ZFAND5: variants seen among roughly 807,000 people sequenced by gnomAD.
The protein encoded by ZFAND5 is zinc finger AN1-type containing 5, also known as AN1-type zinc finger protein 5.
In ZFAND5, 4 loss-of-function variants were observed where a neutral mutation model predicts 23.6. That is an observed-to-expected ratio of 0.17 (90% CI 0.08 to 0.39). ZFAND5 has a LOEUF of 0.39. ZFAND5 is among the 10% of genes least tolerant of loss of function. The pLI is 1.00. For synonymous variants in ZFAND5, 68 were observed against 80.6 expected, an observed-to-expected ratio of 0.84 and a Z score of 0.84; for missense variants, 161 against 253.7, an observed-to-expected ratio of 0.63 and a Z score of 2.48.
chr9:72,362,899 T>C (rs1842145717), intron 2 of ZFAND5, among the ~76,000 whole-genome samples: 1 of 152,180 alleles, frequency 6.6e-6, no homozygotes, highest in Admixed American at 6.5e-5. Flanking sequence ...CAGGGGCCTC[T>C]GAAATCAGCT....
intron 2 of ZFAND5, among the ~76,000 whole-genome samples, chr9:72,361,114 C>T (rs565255970): frequency 6.6e-6 from 1 of 152,292 alleles, no homozygotes; most frequent in South Asian, 2.1e-4. Context: ...GTATCTTTAA[C>T]TTTTCACTCT....
At chr9:72,360,285 C>G in intron 3 of ZFAND5, 64 bp from the exon 4 acceptor site, 8 of 1,342,324 alleles carry the variant, frequency 6.0e-6, no homozygotes, top group Non-Finnish European at 7.4e-6. Context: ...AGTATCAAGA[C>G]GTAGTAATAA....
intron 6 of ZFAND5, among the ~76,000 whole-genome samples, chr9:72,356,644 GCTTA>G (rs954156284): frequency 2.4e-4 from 37 of 152,090 alleles, no homozygotes; most frequent in Non-Finnish European, 2.2e-4. Flanking sequence ...AGTAGGTGGC[GCTTA>G]CTGTTAGTTC....
chr9:72,364,291 C>T, intron 1 of ZFAND5: 2 of 553,240 alleles, frequency 3.6e-6, no homozygotes, highest in South Asian at 4.7e-5. Context: ...CGACCCCGAA[C>T]GGCTCCTCTT....
chr9:72,364,583 T>TCCG (rs1214839058), intron 1 of ZFAND5, 113 bp downstream of exon 1: 2 of 1,248,612 alleles, frequency 1.6e-6, no homozygotes, highest in South Asian at 2.6e-5. Flanking sequence ...GACGCCGCCA[T>TCCG]CCGCGGCCTG....
intron 6 of ZFAND5, 103 bp downstream of exon 6, chr9:72,356,828 T>G (rs1228759732): frequency 1.5e-5 from 20 of 1,295,560 alleles, no homozygotes; most frequent in Non-Finnish European, 1.9e-5. Flanking sequence ...TCAGGCTTTT[T>G]TTTTTTTTTT....
rs909100381 is a variant in ZFAND5 at position 72,359,363 on chromosome 9, C to T, written c.367+55G>A. The T allele has an allele frequency of 2.6e-6, 4 of 1,554,834 alleles. No homozygotes were observed. The African/African-American group carries it at 4.1e-5, about 16-fold the overall frequency. On this transcript the variant is annotated intron_variant, in intron 5 of 6. Coordinates refer to ENST00000376962, the MANE Select transcript of ZFAND5 (RefSeq NM_001102420.3). Reference sequence around the variant, plus strand: ...GGGAAGGAAAGAATCCCCCCACCAGCCATTTCTTGCACTATCAAATTCAGA... The same window carrying T: ...GGGAAGGAAAGAATCCCCCCACCAGTCATTTCTTGCACTATCAAATTCAGA...
chr9:72,356,858 C>G lies in ZFAND5; in HGVS notation c.493+73G>C, dbSNP rs1378803718. 2.1e-5 allele frequency: 32 copies of G among 1,504,288 alleles called. No homozygotes were observed. In the South Asian group the frequency reaches 3.0e-4, roughly 14 times the overall value. 93.2% of individuals were successfully genotyped at this position (1,504,288 alleles called of 1,614,324 possible). ...TTTTTTATGTGTAAGACCAACTAGT[C>G]TCTTAGGGAGTGACCAAAAGCTCCT... is the stretch of plus-strand genomic sequence containing the variant. On this transcript the variant is annotated intron_variant, in intron 6 of 6. Coordinates refer to ENST00000376962, the MANE Select transcript of ZFAND5 (RefSeq NM_001102420.3).
chr9:72,358,510 T>C (rs781592577), intron 5 of ZFAND5, among the ~76,000 whole-genome samples: 9 of 152,098 alleles, frequency 5.9e-5, no homozygotes, highest in Non-Finnish European at 1.0e-4. Flanking sequence ...TAATTTTGTA[T>C]TTAAAAACCA....
At chr9:72,361,794 A>G (rs983669350) in intron 2 of ZFAND5, among the ~76,000 whole-genome samples, 1 of 152,224 alleles carries the variant, frequency 6.6e-6, no homozygotes, top group African/African-American at 2.4e-5. Context: ...TTATTTTAAA[A>G]TAAAGTTGTG....
chr9:72,354,384 T>C lies in ZFAND5; in HGVS notation c.*1569A>G, dbSNP rs1000686946. ...CAAAGGAAAAAAAATTATATAGCCA[T>C]GTAAAGTAACATTTTCTAATTTTCC... is the stretch of plus-strand genomic sequence containing the variant. On this transcript the variant is annotated 3_prime_UTR_variant, in exon 7 of 7. Transcript: ENST00000376962. The C allele has an allele frequency of 2.6e-5, 4 of 152,612 alleles. No homozygotes were observed. The highest frequency in any genetic ancestry group is 4.8e-5 in the African/African-American group (2 of 41,462). The allele number at this position is 152,612 out of a possible 1,614,324, so 9.5% of individuals were successfully genotyped here.
At chr9:72,361,841 A>G (rs943890213) in intron 2 of ZFAND5, among the ~76,000 whole-genome samples, 7 of 152,232 alleles carry the variant, frequency 4.6e-5, no homozygotes, top group African/African-American at 1.7e-4. Context: ...GTATAAGCAT[A>G]TGTACAAAAA....
chr9:72,358,574 G>C (rs531476774), intron 5 of ZFAND5, among the ~76,000 whole-genome samples: 6 of 152,096 alleles, frequency 3.9e-5, no homozygotes, highest in Non-Finnish European at 7.4e-5. Flanking sequence ...AATGTGGTCA[G>C]TTTAAGGATG....
intron 1 of ZFAND5, chr9:72,364,431 A>AG (rs1842201684): frequency 3.2e-6 from 4 of 1,263,646 alleles, no homozygotes; most frequent in Admixed American, 2.5e-5. Context: ...CCGGCCCCGC[A>AG]GAGGCGGCAC....
chr9:72,356,809 T>C, intron 6 of ZFAND5, 122 bp downstream of exon 6: 1 of 1,250,676 alleles, frequency 8.0e-7, no homozygotes, highest in Non-Finnish European at 1.1e-6. Flanking sequence ...TTTCCTAGAC[T>C]ACAGCTAGTC....
At position 72,354,898 on chromosome 9, in the gene ZFAND5, T is replaced by C. The variant is rs1026481312; in HGVS notation, c.*1055A>G. Reference sequence around the variant, plus strand: ...GCCCATGCAATACACCCAAGAACACTAGAGTCCTACACCCAAGTACAATAT... The same window carrying C: ...GCCCATGCAATACACCCAAGAACACCAGAGTCCTACACCCAAGTACAATAT... On this transcript the variant is annotated 3_prime_UTR_variant, in exon 7 of 7. Coordinates refer to ENST00000376962, the MANE Select transcript of ZFAND5 (RefSeq NM_001102420.3). 1 of 152,556 alleles carries C rather than the reference T, an allele frequency of 6.6e-6. No individual in the cohort carries two copies. Among genetic ancestry groups the C allele is most frequent in the Admixed American group, 6.5e-5 (1 of 15,276 alleles). 9.5% of individuals were successfully genotyped at this position (152,556 alleles called of 1,614,324 possible).
chr9:72,359,516 A>G lies in ZFAND5; in HGVS notation c.269T>C (p.Val90Ala), dbSNP rs1365589683. 1.2e-6 allele frequency: 2 copies of G among 1,613,506 alleles called. No individual in the cohort carries two copies. Among genetic ancestry groups the G allele is most frequent in the Admixed American group, 3.3e-5 (2 of 59,956 alleles). Residue 90 changes from valine (V) to alanine (A), a missense_variant, in exon 5 of 7, where the codon GTG (valine) becomes GCG (alanine). Physicochemically the swap from Val to Ala is moderately conservative, Grantham distance 64 (BLOSUM62 0). This residue lies in a region of ZFAND5 where 116 missense variants were observed against 115.2 expected (regional missense o/e 1.01). Transcript: ENST00000376962. ...AGSTSEKSRNVPVAALPVTQQ... is the reference protein window; with the variant it reads ...AGSTSEKSRNAPVAALPVTQQ... ...AGTTACAGGCAAGGCAGCCACAGGCACATTTCTATTTGAGTTCAAGCAAAC... is the reference window on the plus strand; with the variant it reads ...AGTTACAGGCAAGGCAGCCACAGGCGCATTTCTATTTGAGTTCAAGCAAAC...
In ZFAND5 at chr9:72,356,808, C is replaced by A. The variant is rs1012287325; in HGVS notation, c.493+123G>T. 9.6e-5 allele frequency: 119 copies of A among 1,244,648 alleles called. No individual in the cohort carries two copies. In the Middle Eastern group the frequency reaches 1.2e-3, roughly 12 times the overall value. 77.1% of individuals were successfully genotyped at this position (1,244,648 alleles called of 1,614,324 possible). ...TACCACCTCCTCCACCTTTCCTAGA[C>A]TACAGCTAGTCAGGCTTTTTTTTTT... On this transcript the variant is annotated intron_variant, in intron 6 of 6. Transcript: ENST00000376962.
chr9:72,363,851 A>C (rs553858466), intron 1 of ZFAND5: 1 of 159,152 alleles, frequency 6.3e-6, no homozygotes, highest in South Asian at 2.0e-4. Flanking sequence ...ATGTTCCTTT[A>C]TCTTGGTATC....
Sources: allele counts gnomAD v4.1 joint callset (sites outside exome capture counted in the v4.1 genomes callset), GRCh38; gene constraint gnomAD v4.1.1; regional missense constraint gnomAD v4.1.1; transcripts MANE v1.5; gene names NCBI Gene and HGNC (gene_info 2026-07-23, HGNC 2026-07-21).